Variants in ATP8A1 observed in about 807,000 individuals in gnomAD.
The protein encoded by ATP8A1 is phospholipid-transporting ATPase IA.
A neutral mutation model predicts 177.7 loss-of-function variants in ATP8A1; 90 were observed. The observed-to-expected ratio is 0.51, with a 90% CI of 0.43 to 0.60. The LOEUF (loss-of-function observed/expected upper bound fraction) is 0.60. ATP8A1 is among the 20% of genes least tolerant of loss of function. The pLI is 0.00. For synonymous variants in ATP8A1, 493 were observed against 485.9 expected (o/e 1.01, Z -0.19); for missense variants, 1,072 against 1,392.8 (o/e 0.77, Z 3.67).
intron 20 of ATP8A1, among the ~76,000 whole-genome samples, chr4:42,526,088 T>A (rs1355953003): frequency 6.6e-6 from 1 of 152,144 alleles, no homozygotes; most frequent in Non-Finnish European, 1.5e-5. Flanking sequence ...AAGAAAATAT[T>A]TGAAAACATT....
intron 5 of ATP8A1, among the ~76,000 whole-genome samples, chr4:42,603,085 C>T (rs1223145855): frequency 6.6e-6 from 1 of 151,740 alleles, no homozygotes; most frequent in Non-Finnish European, 1.5e-5. Flanking sequence ...TATAAGTGTC[C>T]AATATTTCTA....
At chr4:42,517,989 T>C (rs771998716) in intron 22 of ATP8A1, among the ~76,000 whole-genome samples, 1 of 152,220 alleles carries the variant, frequency 6.6e-6, no homozygotes, top group Non-Finnish European at 1.5e-5. Flanking sequence ...GGTAGTAACA[T>C]ACCTGAGTAA....
intron 20 of ATP8A1, among the ~76,000 whole-genome samples, chr4:42,529,411 T>C (rs1211901886): frequency 1.3e-5 from 2 of 152,250 alleles, no homozygotes; most frequent in Non-Finnish European, 2.9e-5. Flanking sequence ...CGATGCGACC[T>C]GAACTGCGTA....
At chr4:42,436,884 T>C (rs1437160698) in intron 33 of ATP8A1, among the ~76,000 whole-genome samples, 3 of 152,256 alleles carry the variant, frequency 2.0e-5, no homozygotes, top group African/African-American at 4.8e-5. Flanking sequence ...TTTATTATGT[T>C]GGATAAAATA....
chr4:42,608,128 T>G (rs1011829342), intron 5 of ATP8A1, among the ~76,000 whole-genome samples: 2 of 152,212 alleles, frequency 1.3e-5, no homozygotes, highest in Admixed American at 1.3e-4. Context: ...GTTTCTTTTT[T>G]GAATGAAAAC....
At chr4:42,626,335 A>T (rs1738077739) in intron 2 of ATP8A1, 1 of 151,866 alleles carries the variant, frequency 6.6e-6, no homozygotes, top group South Asian at 2.1e-4. Context: ...ATGCCACATT[A>T]CCCAAATTGA....
chr4:42,506,851 C>T (rs150696782), intron 23 of ATP8A1, among the ~76,000 whole-genome samples, 165 bp downstream of exon 23: 47 of 152,274 alleles, frequency 3.1e-4, no homozygotes, highest in African/African-American at 1.1e-3. Context: ...TCCACATGTG[C>T]CACTTATGGA....
chr4:42,550,027 A>G (rs1577564246), intron 18 of ATP8A1, among the ~76,000 whole-genome samples: 1 of 152,044 alleles, frequency 6.6e-6, no homozygotes, highest in African/African-American at 2.4e-5. Context: ...CACCCCAATC[A>G]AGATATAAAA....
intron 10 of ATP8A1, among the ~76,000 whole-genome samples, chr4:42,581,011 C>T (rs1269856742): frequency 2.0e-5 from 3 of 152,190 alleles, no homozygotes; most frequent in African/African-American, 4.8e-5. Context: ...ATGACATGGA[C>T]GACTTGTAAT....
chr4:42,470,787 C>T (rs1351922773), intron 25 of ATP8A1, among the ~76,000 whole-genome samples: 1 of 152,144 alleles, frequency 6.6e-6, no homozygotes, highest in African/African-American at 2.4e-5. Flanking sequence ...ATTTCTTTAA[C>T]TTCCTCAAAC....
chr4:42,482,695 T>C (rs1331542822), intron 25 of ATP8A1, among the ~76,000 whole-genome samples: 3 of 152,172 alleles, frequency 2.0e-5, no homozygotes, highest in Non-Finnish European at 4.4e-5. Flanking sequence ...GCTGATAGTA[T>C]CTGGGAAGAA....
At chr4:42,563,031 T>C (rs550072800) in intron 15 of ATP8A1, among the ~76,000 whole-genome samples, 1 of 152,298 alleles carries the variant, frequency 6.6e-6, no homozygotes, top group Non-Finnish European at 1.5e-5. Context: ...CCCGAAAATG[T>C]GGAAGCCACT....
rs748505076 is a variant in ATP8A1 at position 42,565,196 on chromosome 4, T to C, written c.1340+3965A>G. Among the ~76,000 whole-genome samples, 4 of 152,328 alleles carry C rather than the reference T, an allele frequency of 2.6e-5. No individual in the cohort carries two copies. In the South Asian group the frequency reaches 6.2e-4, roughly 24 times the overall value. On this transcript the variant is annotated intron_variant, in intron 15 of 36. Transcript: ENST00000381668. ...AGCTTGAAAACGGACTAATACACTA[T>C]GTGACTCAACATCTTTCTAAAGGCA...
intron 27 of ATP8A1, 70 bp downstream of exon 27, chr4:42,464,620 G>A (rs111985044): frequency 5.3e-5 from 45 of 855,486 alleles, no homozygotes; most frequent in Admixed American, 4.9e-4. Context: ...ATGAGAAAAC[G>A]TCTCCATAAA....
chr4:42,512,275 T>A (rs1406785564), intron 22 of ATP8A1, among the ~76,000 whole-genome samples: 1 of 152,202 alleles, frequency 6.6e-6, no homozygotes, highest in Non-Finnish European at 1.5e-5. Flanking sequence ...GTTCAAATCA[T>A]CAGGTTTTTA....
chr4:42,549,121 A>T, intron 18 of ATP8A1, 59 bp from the exon 19 acceptor site: 1 of 1,360,718 alleles, frequency 7.3e-7, no homozygotes, highest in Non-Finnish European at 1.0e-6. Context: ...GCTTCTAGGA[A>T]ATAAATCCTA....
rs1255546974 is a variant in ATP8A1, at chr4:42,446,098, AAGAG to A, written c.2958+481_2958+484del. 2.5e-4 allele frequency among the ~76,000 whole-genome samples: 37 copies of A among 146,990 alleles called. 3 individuals are homozygous for A. The highest frequency in any genetic ancestry group is 2.1e-3 in the East Asian group (10 of 4,808). Reference sequence around the variant, plus strand: ...GCCCTCTCAAAAAAAAAAAAAAAAAAAGAGAAGAGATATAGTTTGAAATAAATTA... The same window carrying A: ...GCCCTCTCAAAAAAAAAAAAAAAAAAAAGAGATATAGTTTGAAATAAATTA... On this transcript the variant is annotated intron_variant, in intron 31 of 36. Coordinates refer to ENST00000381668, the MANE Select transcript of ATP8A1 (RefSeq NM_006095.2).
chr4:42,497,525 A>C (rs1723408510), intron 24 of ATP8A1, among the ~76,000 whole-genome samples: 1 of 152,200 alleles, frequency 6.6e-6, no homozygotes, highest in Admixed American at 6.5e-5. Context: ...TTTAGCCAAA[A>C]ATGAGGCAAA....
chr4:42,449,077 C>T (rs1292207947), intron 30 of ATP8A1, among the ~76,000 whole-genome samples: 1 of 152,058 alleles, frequency 6.6e-6, no homozygotes, highest in African/African-American at 2.4e-5. Flanking sequence ...CTCATGTGAT[C>T]CACCTGCATT....
Sources: gnomAD v4.1 joint callset for allele counts (sites outside exome capture counted in the v4.1 genomes callset) on GRCh38, gnomAD v4.1.1 for gene constraint, MANE v1.5 for transcripts, NCBI Gene and HGNC (gene_info 2026-07-23, HGNC 2026-07-21) for gene names.